Variants in HEATR4 observed in about 807,000 individuals in gnomAD.
HEATR4 encodes HEAT repeat containing 4.
HEATR4 carries 95 observed loss-of-function variants against 108.8 expected under a neutral mutation model. That is an observed-to-expected ratio of 0.87 (90% CI 0.74 to 1.04). The LOEUF is 1.04. HEATR4 is among the 50% of genes least tolerant of loss of function. The pLI, the probability that HEATR4 is intolerant of heterozygous loss-of-function variation, is 0.00. For synonymous variants in HEATR4, 443 were observed against 459.4 expected, an observed-to-expected ratio of 0.96 and a Z score of 0.46; for missense variants, 1,152 against 1,253.8, an observed-to-expected ratio of 0.92 and a Z score of 1.23.
intron 7 of HEATR4, among the ~76,000 whole-genome samples, chr14:73,509,840 A>T (rs1203487366): frequency 1.3e-5 from 1 of 75,766 alleles, no homozygotes; most frequent in Non-Finnish European, 2.9e-5. Flanking sequence ...ATATATATAT[A>T]TATATATATA....
the HEATR4 span, among the ~76,000 whole-genome samples, chr14:73,583,926 G>A: frequency 3.1e-3 from 463 of 151,498 alleles, 5 homozygotes; most frequent in African/African-American, 9.9e-3. Flanking sequence ...CTCGAACCCC[G>A]GGAGGCCGAG....
chr14:73,613,846 A>T, the HEATR4 span, among the ~76,000 whole-genome samples: 5 of 151,808 alleles, frequency 3.3e-5, no homozygotes, highest in African/African-American at 4.8e-5. Flanking sequence ...CAGAAAGAAG[A>T]CTCCTGATTA....
chr14:73,633,003 C>G, the HEATR4 span, among the ~76,000 whole-genome samples: 2 of 66,684 alleles, frequency 3.0e-5, no homozygotes, highest in Admixed American at 3.0e-4. Flanking sequence ...CTCTCTCTCT[C>G]TCTCTTTTTT....
intron 17 of HEATR4, among the ~76,000 whole-genome samples, chr14:73,479,527 C>A (rs1338869184): frequency 6.6e-6 from 1 of 151,098 alleles, no homozygotes; most frequent in East Asian, 1.9e-4. Context: ...CAACCTCTGC[C>A]CCCAGAGTTC....
chr14:73,493,027 C>G (rs371725887), intron 17 of HEATR4, 39 bp downstream of exon 17: 47 of 1,564,632 alleles, frequency 3.0e-5, no homozygotes, highest in Non-Finnish European at 3.7e-5. Flanking sequence ...CTTAAACTCA[C>G]GTTCTTACCT....
chr14:73,514,990 C>T (rs1244220801), intron 5 of HEATR4, among the ~76,000 whole-genome samples: 1 of 151,590 alleles, frequency 6.6e-6, no homozygotes, highest in African/African-American at 2.4e-5. Flanking sequence ...ATCACTTGAA[C>T]CTGAGAGGCG....
chr14:73,622,437 T>C, the HEATR4 span, among the ~76,000 whole-genome samples: 1 of 152,108 alleles, frequency 6.6e-6, no homozygotes, highest in Non-Finnish European at 1.5e-5. Context: ...AGTTTCGCTC[T>C]TGTTGCCCAG....
At position 73,519,138 on chromosome 14, in the gene HEATR4, A is replaced by G. The variant is rs746209077; in HGVS notation, c.1095T>C (p.Ile365=). ...GGACAATCTGGTCTCTCTTTGCACC[A>G]ATCTGGTGGATGATCTGGACTTCAT... ...YFDEVQIIHQ[I]GAKRDQIVLE... is the part of the protein sequence containing the mutation. Residue 365 remains isoleucine, a synonymous_variant, in exon 5 of 18, where the codon ATT becomes ATC. Transcript: ENST00000553558. 6.2e-7 allele frequency: 1 copy of G among 1,613,106 alleles called. No homozygotes were observed. The highest frequency in any genetic ancestry group is 2.2e-5 in the East Asian group (1 of 44,828).
intron 6 of HEATR4, 89 bp from the exon 7 acceptor site, chr14:73,512,238 AC>A: frequency 6.9e-7 from 1 of 1,446,512 alleles, no homozygotes; most frequent in Non-Finnish European, 9.5e-7. Context: ...TCTGCCCTTC[AC>A]CCAGAATAAT....
At chr14:73,517,665 CAA>C (rs34441032) in intron 5 of HEATR4, among the ~76,000 whole-genome samples, 10 of 59,360 alleles carry the variant, frequency 1.7e-4, no homozygotes, top group Non-Finnish European at 1.8e-4. Context: ...GAGACCCTGT[CAA>C]AAAAAAAAAA....
chr14:73,569,333 C>T, the HEATR4 span: 1 of 1,613,974 alleles, frequency 6.2e-7, no homozygotes, highest in South Asian at 1.1e-5. Flanking sequence ...TTCGAGCGTC[C>T]CGGCTGTACC....
the HEATR4 span, among the ~76,000 whole-genome samples, chr14:73,585,725 G>C: frequency 6.6e-6 from 1 of 150,620 alleles, no homozygotes; most frequent in Non-Finnish European, 1.5e-5. Context: ...ATCACATTGG[G>C]TATTAGGTTT....
chr14:73,612,516 C>T, the HEATR4 span: 4 of 1,151,878 alleles, frequency 3.5e-6, no homozygotes, highest in African/African-American at 3.3e-5. Context: ...GCAAAGCCGC[C>T]AGGCCCGCCC....
chr14:73,584,010 AAC>A, the HEATR4 span, among the ~76,000 whole-genome samples: 3 of 151,930 alleles, frequency 2.0e-5, no homozygotes, highest in African/African-American at 7.2e-5. Flanking sequence ...TAAAAAAAAA[AAC>A]AGACAAAATG....
chr14:73,505,873 A>C (rs1333230304), intron 10 of HEATR4, among the ~76,000 whole-genome samples: 5 of 149,874 alleles, frequency 3.3e-5, no homozygotes, highest in African/African-American at 1.2e-4. Flanking sequence ...GGCAATATCA[A>C]ATTACTATAA....
rs1236579435 is a variant in HEATR4 at position 73,535,286 on chromosome 14, T to C, written c.-151-5042A>G. The stretch of plus-strand genomic sequence containing the variant: ...TCAAAGAGAAGGGATCTTTTAAATA[T>C]TTTTGCATAGATTGCCATGAAAAGG... On this transcript the variant is annotated intron_variant, in intron 1 of 17. Coordinates refer to ENST00000553558, the MANE Select transcript of HEATR4 (RefSeq NM_001220484.1). 1.8e-5 allele frequency among the ~76,000 whole-genome samples: 2 copies of C among 113,080 alleles called. 1 individual carries two copies. Among genetic ancestry groups the C allele is most frequent in the Non-Finnish European group, 3.8e-5 (2 of 52,332 alleles). 74.2% of individuals were successfully genotyped at this position (113,080 alleles called of 152,430 possible). A position where few individuals can be genotyped will look rare whatever the true frequency, so the allele number is the denominator to read the frequency against.
At position 73,520,908 on chromosome 14, in the gene HEATR4, C is replaced by A; in HGVS notation, c.1013G>T (p.Arg338Leu). 1.9e-6 allele frequency: 3 copies of A among 1,613,990 alleles called. No individual in the cohort carries two copies. The highest frequency in any genetic ancestry group is 2.5e-6 in the Non-Finnish European group (3 of 1,180,008). ...TQSYFRQVTP[R>L]AGKFAYSTDN... ...TGTGGAGTAGGCAAACTTTCCAGCT[C>A]GGGGAGTCACCTGGCGAAAGTAGCT... The change falls in exon 4 of 18, where the codon CGA (arginine) becomes CTA (leucine). Residue 338 changes from arginine (R) to leucine (L), a missense_variant. By Grantham distance (102) the Arg-to-Leu change is moderately radical (BLOSUM62 -2). Transcript: ENST00000553558.
intron 2 of HEATR4, among the ~76,000 whole-genome samples, chr14:73,523,766 T>G (rs1045328998): frequency 6.6e-6 from 1 of 152,198 alleles, no homozygotes; most frequent in Non-Finnish European, 1.5e-5. Context: ...CAGCTCAATT[T>G]GTGCTGCTCC....
At chr14:73,613,579 G>T in the HEATR4 span, among the ~76,000 whole-genome samples, 4 of 152,020 alleles carry the variant, frequency 2.6e-5, no homozygotes, top group African/African-American at 9.7e-5. Context: ...TGCTGTACGT[G>T]GTTCTCAACC....
Sources: allele counts gnomAD v4.1 joint callset (sites outside exome capture counted in the v4.1 genomes callset), GRCh38; gene constraint gnomAD v4.1.1; transcripts MANE v1.5; gene names NCBI Gene and HGNC (gene_info 2026-07-23, HGNC 2026-07-21).